CATSPERT: variants seen among roughly 807,000 people sequenced by gnomAD.
The protein encoded by CATSPERT is catsper channel auxiliary subunit tau.
At chr2:201,514,975 G>C in the CATSPERT span, among the ~76,000 whole-genome samples, 1 of 151,970 alleles carries the variant, frequency 6.6e-6, no homozygotes, top group Non-Finnish European at 1.5e-5. Flanking sequence ...CCAAAATGAT[G>C]CTAGGACCAG....
the CATSPERT span, chr2:201,557,427 T>C: frequency 6.6e-6 from 1 of 152,198 alleles, no homozygotes; most frequent in Non-Finnish European, 1.5e-5. Context: ...CTATTATCAA[T>C]AGCACAATTT....
chr2:201,552,078 C>A, the CATSPERT span, among the ~76,000 whole-genome samples: 30 of 150,210 alleles, frequency 2.0e-4, no homozygotes, highest in South Asian at 6.4e-3. Flanking sequence ...GTGATCTCGG[C>A]TCCACCCCCC....
At chr2:201,554,803 G>C in the CATSPERT span, 1 of 152,094 alleles carries the variant, frequency 6.6e-6, no homozygotes, top group African/African-American at 2.4e-5. Flanking sequence ...GGAAACAAAA[G>C]AGAATGATTA....
the CATSPERT span, among the ~76,000 whole-genome samples, chr2:201,497,714 T>C: frequency 6.6e-6 from 1 of 152,144 alleles, no homozygotes; most frequent in African/African-American, 2.4e-5. Context: ...ATAAAAAGCT[T>C]CAGTAAAGTA....
At chr2:201,585,316 T>C in the CATSPERT span, among the ~76,000 whole-genome samples, 1 of 150,428 alleles carries the variant, frequency 6.6e-6, no homozygotes, top group Non-Finnish European at 1.5e-5. Flanking sequence ...CAAACCACCA[T>C]GGCACGTGTA....
chr2:201,592,447 T>G, the CATSPERT span, among the ~76,000 whole-genome samples: 228 of 148,746 alleles, frequency 1.5e-3, 1 homozygote, highest in Non-Finnish European at 1.8e-3. Flanking sequence ...ATTCTCTTTT[T>G]TGGTTGTGTC....
At chr2:201,605,832 T>G in the CATSPERT span, among the ~76,000 whole-genome samples, 1 of 152,118 alleles carries the variant, frequency 6.6e-6, no homozygotes, top group South Asian at 2.1e-4. Flanking sequence ...TATTCAACAA[T>G]TAAAACAGAA....
the CATSPERT span, among the ~76,000 whole-genome samples, chr2:201,563,124 GGCGGCTGGCCGGGCGGGGGGCT>G: frequency 4.7e-5 from 3 of 63,202 alleles, no homozygotes; most frequent in East Asian, 1.1e-3. Context: ...TCCCGGATGG[GGCGGCTGGCCGGGCGGGGGGCT>G]GACCCCCCAC....
chr2:201,571,621 A>G, the CATSPERT span, among the ~76,000 whole-genome samples: 23 of 152,230 alleles, frequency 1.5e-4, no homozygotes, highest in East Asian at 4.4e-3. Context: ...CTTTTCCCAA[A>G]AGGGGTATCT....
the CATSPERT span, among the ~76,000 whole-genome samples, chr2:201,505,437 C>A: frequency 2.0e-5 from 3 of 152,188 alleles, no homozygotes; most frequent in Non-Finnish European, 2.9e-5. Flanking sequence ...TCCCTAGTGT[C>A]ATCCTGTGCT....
the CATSPERT span, among the ~76,000 whole-genome samples, chr2:201,490,686 T>G: frequency 6.6e-6 from 1 of 152,204 alleles, no homozygotes; most frequent in South Asian, 2.1e-4. Flanking sequence ...GATTGTATTT[T>G]GAATCAGGTG....
At chr2:201,596,121 C>A in the CATSPERT span, among the ~76,000 whole-genome samples, 3 of 152,236 alleles carry the variant, frequency 2.0e-5, no homozygotes, top group South Asian at 4.1e-4. Flanking sequence ...AAAATACATG[C>A]ACGTATATGC....
the CATSPERT span, among the ~76,000 whole-genome samples, chr2:201,490,387 C>G: frequency 6.6e-6 from 1 of 152,098 alleles, no homozygotes; most frequent in Non-Finnish European, 1.5e-5. Context: ...GAAAAAAAAC[C>G]TCTAATAGTT....
the CATSPERT span, among the ~76,000 whole-genome samples, chr2:201,604,022 A>G: frequency 3.9e-5 from 6 of 152,278 alleles, no homozygotes; most frequent in Non-Finnish European, 7.3e-5. Context: ...ATGTCATAAT[A>G]TTTGACAGTT....
At chr2:201,565,718 T>C in the CATSPERT span, 1 of 1,510,278 alleles carries the variant, frequency 6.6e-7, no homozygotes, top group Non-Finnish European at 8.8e-7. Flanking sequence ...TTTTTTTTTT[T>C]TTTTTTTTAC....
chr2:201,563,486 C>T, the CATSPERT span, among the ~76,000 whole-genome samples: 5 of 140,420 alleles, frequency 3.6e-5, no homozygotes, highest in South Asian at 2.4e-4. Flanking sequence ...ACCTCCCTCC[C>T]GGACGGGGCG....
chr2:201,526,903 G>T, the CATSPERT span, among the ~76,000 whole-genome samples: 10 of 152,226 alleles, frequency 6.6e-5, no homozygotes, highest in East Asian at 1.4e-3. Context: ...AGTTCTGGAA[G>T]TTCTTCCAAA....
At chr2:201,497,679 A>C in the CATSPERT span, among the ~76,000 whole-genome samples, 7 of 152,208 alleles carry the variant, frequency 4.6e-5, no homozygotes, top group African/African-American at 2.4e-5. Flanking sequence ...ATTATTGATT[A>C]GATGAACATA....
At chr2:201,534,040 T>TTATC in the CATSPERT span, among the ~76,000 whole-genome samples, 9,828 of 148,576 alleles carry the variant, frequency 0.066, 369 homozygotes, top group East Asian at 0.12. Context: ...GATCTGTATA[T>TTATC]TATCTATCTA....
Sources: gnomAD v4.1 joint callset for allele counts (sites outside exome capture counted in the v4.1 genomes callset) on GRCh38, gnomAD v4.1.1 for gene constraint, MANE v1.5 for transcripts, NCBI Gene and HGNC (gene_info 2026-07-23, HGNC 2026-07-21) for gene names.